Variants in PTPRM observed in about 807,000 individuals in gnomAD.
The protein encoded by PTPRM is receptor-type tyrosine-protein phosphatase mu.
A neutral mutation model predicts 186.7 loss-of-function variants in PTPRM; 47 were observed. The ratio of observed to expected loss-of-function variants is 0.25; its 90% CI spans 0.20 to 0.32. The LOEUF (loss-of-function observed/expected upper bound fraction) is 0.32, where lower values mean the gene tolerates loss of function less well. Among genes scored for constraint, PTPRM ranks in the 10% least tolerant of loss-of-function variants. The pLI is 1.00. For synonymous variants in PTPRM, 668 were observed against 674.9 expected, an observed-to-expected ratio of 0.99 and a Z score of 0.16; for missense variants, 1,494 against 1,865.0, an observed-to-expected ratio of 0.80 and a Z score of 3.66.
At chr18:8,327,681 A>G (rs1198693785) in intron 22 of PTPRM, among the ~76,000 whole-genome samples, 2 of 152,210 alleles carry the variant, frequency 1.3e-5, no homozygotes, top group East Asian at 3.9e-4. Flanking sequence ...TTTTGGTGGC[A>G]TTATCTCCAA....
At position 7,931,938 on chromosome 18, in the gene PTPRM, C is replaced by T. The variant is rs115718865; in HGVS notation, c.663+5255C>T. Among the ~76,000 whole-genome samples the T allele has an allele frequency of 6.2e-3, 948 of 152,324 alleles. 13 individuals are homozygous for T. Among genetic ancestry groups the T allele is most frequent in the African/African-American group, 0.021 (872 of 41,578 alleles). The stretch of plus-strand genomic sequence containing the variant: ...TATGTACCTATAGATGACTCATGCA[C>T]GTGCAGTTACAAGACCTGTGGCATG... On this transcript the variant is annotated intron_variant, in intron 5 of 32. Transcript: ENST00000580170.
chr18:7,777,005 G>A (rs2042619658), intron 2 of PTPRM, among the ~76,000 whole-genome samples: 1 of 151,826 alleles, frequency 6.6e-6, no homozygotes, highest in Admixed American at 6.6e-5. Flanking sequence ...CCATTAATGT[G>A]TGCAAATGAT....
At chr18:7,779,422 CAG>C (rs1160907726) in intron 2 of PTPRM, among the ~76,000 whole-genome samples, 3 of 152,142 alleles carry the variant, frequency 2.0e-5, no homozygotes, top group Non-Finnish European at 2.9e-5. Context: ...GTATGAAAGA[CAG>C]AGAGGAAAGT....
intron 2 of PTPRM, among the ~76,000 whole-genome samples, chr18:7,781,954 G>A (rs938174031): frequency 6.6e-6 from 1 of 152,074 alleles, no homozygotes; most frequent in Non-Finnish European, 1.5e-5. Context: ...GTGAGCATTC[G>A]TCCTCCCTAG....
intron 1 of PTPRM, among the ~76,000 whole-genome samples, chr18:7,628,552 G>A (rs1441916728): frequency 6.6e-6 from 1 of 152,120 alleles, no homozygotes; most frequent in East Asian, 1.9e-4. Context: ...CCATTAGTTG[G>A]CATTTTAAGA....
rs188221083 is a variant in PTPRM at position 8,365,221 on chromosome 18, G to T, written c.3055-5669G>T. On this transcript the variant is annotated intron_variant, in intron 23 of 32. Transcript: ENST00000580170. ...AGCTGGAGTCAGAGCCTGCGTTTCA[G>T]CCTCTCCTTCACCACCATCTAATTT... Among the ~76,000 whole-genome samples, 485 of 152,312 alleles carry T rather than the reference G, an allele frequency of 3.2e-3. 4 individuals are homozygous for T. Among genetic ancestry groups the T allele is most frequent in the African/African-American group, 0.011 (464 of 41,560 alleles).
chr18:7,872,894 G>T (rs1442857531), intron 2 of PTPRM, among the ~76,000 whole-genome samples: 1 of 152,168 alleles, frequency 6.6e-6, no homozygotes, highest in Non-Finnish European at 1.5e-5. Context: ...AAAGCCACAT[G>T]AGTGTTATTA....
chr18:8,024,513 T>G (rs564160876), intron 7 of PTPRM, among the ~76,000 whole-genome samples: 1 of 152,100 alleles, frequency 6.6e-6, no homozygotes, highest in Non-Finnish European at 1.5e-5. Context: ...ATAACAGTGA[T>G]GCCAGGACAA....
chr18:7,772,441 TTCCCC>T, intron 1 of PTPRM, among the ~76,000 whole-genome samples: 1 of 122,310 alleles, frequency 8.2e-6, no homozygotes, highest in Non-Finnish European at 1.7e-5. Flanking sequence ...CCCCTTCCCC[TTCCCC>T]TTCCTTCCTT....
At chr18:7,868,058 G>C (rs1293281725) in intron 2 of PTPRM, among the ~76,000 whole-genome samples, 1 of 152,078 alleles carries the variant, frequency 6.6e-6, no homozygotes, top group African/African-American at 2.4e-5. Context: ...GGTCATTTAT[G>C]TTCTTCTCTA....
rs78153056 is a variant in PTPRM, at chr18:8,001,087, C to G, written c.1132+45673C>G. On this transcript the variant is annotated intron_variant, in intron 7 of 32. Coordinates refer to ENST00000580170, the MANE Select transcript of PTPRM (RefSeq NM_001105244.2). ...TTGGGGGCAGAAGAGTGAGCAACTGCAGCTTTGAAGGAGAGCAGGGTAACA... is the reference window on the plus strand; with the variant it reads ...TTGGGGGCAGAAGAGTGAGCAACTGGAGCTTTGAAGGAGAGCAGGGTAACA... 4.2e-3 allele frequency among the ~76,000 whole-genome samples: 645 copies of G among 152,276 alleles called. 4 individuals carry two copies. Among genetic ancestry groups the G allele is most frequent in the African/African-American group, 0.015 (617 of 41,564 alleles).
intron 22 of PTPRM, among the ~76,000 whole-genome samples, chr18:8,341,321 A>G (rs180977903): frequency 3.5e-4 from 54 of 152,306 alleles, no homozygotes; most frequent in African/African-American, 1.2e-3. Context: ...CTTACCATCC[A>G]TTCATTGATT....
chr18:8,380,239 CTTCTTCTCT>C, intron 28 of PTPRM, 48 bp from the exon 29 acceptor site: 1 of 1,565,804 alleles, frequency 6.4e-7, no homozygotes, highest in Non-Finnish European at 8.8e-7. Context: ...AATAACCTAG[CTTCTTCTCT>C]TCCCATTTTC....
chr18:8,039,107 C>A (rs190809695), intron 7 of PTPRM, among the ~76,000 whole-genome samples: 1 of 152,026 alleles, frequency 6.6e-6, no homozygotes, highest in East Asian at 1.9e-4. Context: ...TTAGAATATA[C>A]CAGATTTATT....
rs542541443 is a variant in PTPRM, at chr18:8,188,714, A to G, written c.2300+44935A>G. 2.6e-5 allele frequency among the ~76,000 whole-genome samples: 4 copies of G among 152,246 alleles called. No homozygotes were observed. The South Asian group carries it at 8.3e-4, about 32-fold the overall frequency. On this transcript the variant is annotated intron_variant, in intron 14 of 32. Transcript: ENST00000580170. Reference sequence around the variant, plus strand: ...TAACTAGATTAAAGAGCAAAATATAATTTTCTTAAAATGAGGGGCTGTGCT... The same window carrying G: ...TAACTAGATTAAAGAGCAAAATATAGTTTTCTTAAAATGAGGGGCTGTGCT...
At chr18:7,898,979 C>T (rs772660385) in intron 3 of PTPRM, among the ~76,000 whole-genome samples, 2 of 152,104 alleles carry the variant, frequency 1.3e-5, no homozygotes, top group South Asian at 4.1e-4. Flanking sequence ...TACCGGATGC[C>T]GTATGTAATT....
At chr18:7,762,897 T>A (rs1180365107) in intron 1 of PTPRM, among the ~76,000 whole-genome samples, 1 of 152,226 alleles carries the variant, frequency 6.6e-6, no homozygotes, top group Non-Finnish European at 1.5e-5. Context: ...CTTTCTTTGA[T>A]GTTCATCACC....
At chr18:8,023,710 AG>A (rs756892347) in intron 7 of PTPRM, among the ~76,000 whole-genome samples, 11 of 152,176 alleles carry the variant, frequency 7.2e-5, no homozygotes, top group Non-Finnish European at 1.3e-4. Context: ...TTTCAAGCAC[AG>A]GAAAACTTTT....
intron 2 of PTPRM, among the ~76,000 whole-genome samples, chr18:7,793,431 C>A (rs422656): frequency 0.74 from 112,436 of 152,112 alleles, 42,909 homozygotes; most frequent in East Asian, 1. Flanking sequence ...CTTATGGGTA[C>A]TACTTTTAAT....
Sources: gnomAD v4.1 joint callset for allele counts (sites outside exome capture counted in the v4.1 genomes callset) on GRCh38, gnomAD v4.1.1 for gene constraint, MANE v1.5 for transcripts, NCBI Gene and HGNC (gene_info 2026-07-23, HGNC 2026-07-21) for gene names.